ZFHX4: variants seen among roughly 807,000 people sequenced by gnomAD.
ZFHX4 encodes the protein zinc finger homeobox protein 4.
In ZFHX4, 56 loss-of-function variants were observed where a neutral mutation model predicts 267.6. The ratio of observed to expected loss-of-function variants is 0.21; its 90% CI spans 0.17 to 0.26. The LOEUF is 0.26. ZFHX4 is among the 10% of genes least tolerant of loss of function. ZFHX4 has a pLI of 1.00. For synonymous variants in ZFHX4, 1,778 were observed against 1,665.6 expected (o/e 1.07, Z -1.64); for missense variants, 4,332 against 4,420.0 (o/e 0.98, Z 0.56).
chr8:76,727,747 G>T (rs765437871), intron 3 of ZFHX4, among the ~76,000 whole-genome samples: 65 of 152,294 alleles, frequency 4.3e-4, no homozygotes, highest in Admixed American at 2.2e-3. Flanking sequence ...TTCTACGTCA[G>T]TTGTTCATTG....
intron 3 of ZFHX4, among the ~76,000 whole-genome samples, chr8:76,763,068 T>C (rs1199243286): frequency 6.6e-6 from 1 of 152,198 alleles, no homozygotes; most frequent in Non-Finnish European, 1.5e-5. Context: ...CTCATTTTTA[T>C]CCCCTCACGG....
At chr8:76,715,479 C>T (rs1348634855) in intron 3 of ZFHX4, among the ~76,000 whole-genome samples, 1 of 75,940 alleles carries the variant, frequency 1.3e-5, no homozygotes, top group East Asian at 5.6e-4. Context: ...AAGACTCCAT[C>T]TTAAAAAAAA....
In ZFHX4 at chr8:76,863,519, G is replaced by A; in HGVS notation, c.9805G>A (p.Gly3269Arg). ...ACAGTTCTTGCCATACTTTATCCCTGGGTTTGCTTCTTATTTTACACCTCA... is the reference window on the plus strand; with the variant it reads ...ACAGTTCTTGCCATACTTTATCCCTAGGTTTGCTTCTTATTTTACACCTCA... Reference protein sequence around the residue: ...GGQFLPYFIPGFASYFTPQLP... With the variant: ...GGQFLPYFIPRFASYFTPQLP... Residue 3269 changes from glycine to arginine, a missense_variant, in exon 11 of 11, where the codon GGG (glycine) becomes AGG (arginine). This residue lies in a region of ZFHX4 where 1,648 missense variants were observed against 1,625.0 expected (regional missense o/e 1.01). Coordinates refer to ENST00000651372, the MANE Select transcript of ZFHX4 (RefSeq NM_024721.5). The A allele has an allele frequency of 6.2e-7, 1 of 1,613,452 alleles. No homozygotes were observed. Among genetic ancestry groups the A allele is most frequent in the Non-Finnish European group, 8.5e-7 (1 of 1,179,736 alleles).
intron 3 of ZFHX4, among the ~76,000 whole-genome samples, chr8:76,767,686 A>C (rs1210902963): frequency 6.6e-6 from 1 of 152,210 alleles, no homozygotes; most frequent in Non-Finnish European, 1.5e-5. Flanking sequence ...AGTAACTTCC[A>C]AAAGTCAAGT....
At chr8:76,790,643 G>A (rs1310005882) in intron 4 of ZFHX4, among the ~76,000 whole-genome samples, 1 of 152,094 alleles carries the variant, frequency 6.6e-6, no homozygotes, top group African/African-American at 2.4e-5. Context: ...AATGAATCAA[G>A]TTTGGTCTTC....
intron 3 of ZFHX4, among the ~76,000 whole-genome samples, chr8:76,767,043 G>GT (rs1393751892): frequency 1.4e-4 from 18 of 129,370 alleles, no homozygotes; most frequent in African/African-American, 6.6e-4. Context: ...TCTCATAAAG[G>GT]GGTGTGTGTG....
intron 3 of ZFHX4, among the ~76,000 whole-genome samples, chr8:76,774,774 T>G (rs1810362222): frequency 6.6e-6 from 1 of 152,094 alleles, no homozygotes; most frequent in African/African-American, 2.4e-5. Context: ...TTTGAAAAAT[T>G]TAATAAGATA....
chr8:76,795,168 A>G (rs1212055095), intron 4 of ZFHX4, among the ~76,000 whole-genome samples: 1 of 152,238 alleles, frequency 6.6e-6, no homozygotes, highest in Non-Finnish European at 1.5e-5. Context: ...AAAATCAGTG[A>G]AAGTCTGAGT....
chr8:76,749,750 A>G (rs960990612), intron 3 of ZFHX4, among the ~76,000 whole-genome samples: 1 of 152,162 alleles, frequency 6.6e-6, no homozygotes, highest in Non-Finnish European at 1.5e-5. Flanking sequence ...CATGTTGTTT[A>G]TCTTATTCTA....
intron 3 of ZFHX4, among the ~76,000 whole-genome samples, chr8:76,743,553 G>A (rs1265689701): frequency 6.6e-6 from 1 of 152,164 alleles, no homozygotes; most frequent in Non-Finnish European, 1.5e-5. Flanking sequence ...GGGTCCTGGG[G>A]AATGAGTCCA....
intron 3 of ZFHX4, among the ~76,000 whole-genome samples, chr8:76,741,175 A>C (rs1210473564): frequency 1.3e-5 from 2 of 152,196 alleles, no homozygotes; most frequent in South Asian, 4.1e-4. Flanking sequence ...AATGCTATAC[A>C]GAGGGTTCAG....
At chr8:76,730,039 T>C (rs1277987741) in intron 3 of ZFHX4, among the ~76,000 whole-genome samples, 1 of 152,162 alleles carries the variant, frequency 6.6e-6, no homozygotes, top group African/African-American at 2.4e-5. Context: ...TTGGTGTTTG[T>C]TTGTTGTGTT....
intron 3 of ZFHX4, among the ~76,000 whole-genome samples, chr8:76,753,528 C>CCCCT (rs1205568183): frequency 6.6e-6 from 1 of 152,022 alleles, no homozygotes; most frequent in African/African-American, 2.4e-5. Context: ...CATCTCTCTG[C>CCCCT]CCCTGTCTTC....
chr8:76,808,315 A>G (rs1296500575), intron 4 of ZFHX4, among the ~76,000 whole-genome samples: 2 of 152,146 alleles, frequency 1.3e-5, no homozygotes, highest in Non-Finnish European at 2.9e-5. Flanking sequence ...TAATCTATCT[A>G]AACATTCTTC....
chr8:76,687,395 G>A (rs1245132663), intron 1 of ZFHX4, among the ~76,000 whole-genome samples: 1 of 152,210 alleles, frequency 6.6e-6, no homozygotes, highest in Non-Finnish European at 1.5e-5. Context: ...TGTCATGGCT[G>A]TTCATTACCC....
rs144640594 is a variant in ZFHX4, at chr8:76,682,051, A to G, written c.-47+431A>G. ...TTTGCCTTCCCCGCGAGCCCCGGGC[A>G]TTCTAGTGGCTGGGGGAAGCTGTCA... On this transcript the variant is annotated intron_variant, in intron 1 of 10. Transcript: ENST00000651372. Among the ~76,000 whole-genome samples the G allele has an allele frequency of 8.8e-3, 1,346 of 152,098 alleles. 39 individuals carry two copies. Among genetic ancestry groups the G allele is most frequent in the Admixed American group, 0.059 (898 of 15,286 alleles).
chr8:76,811,324 TAGAA>T (rs1811372806), intron 4 of ZFHX4, among the ~76,000 whole-genome samples: 1 of 152,226 alleles, frequency 6.6e-6, no homozygotes, highest in Non-Finnish European at 1.5e-5. Flanking sequence ...ATGCACCTCA[TAGAA>T]AGAAAAGGAG....
chr8:76,783,394 T>C (rs960873591), intron 4 of ZFHX4, among the ~76,000 whole-genome samples: 5 of 152,024 alleles, frequency 3.3e-5, no homozygotes, highest in African/African-American at 1.2e-4. Flanking sequence ...TCATGATGCT[T>C]CCAACCATAT....
intron 3 of ZFHX4, among the ~76,000 whole-genome samples, chr8:76,754,532 A>C (rs1331156935): frequency 6.6e-6 from 1 of 151,978 alleles, no homozygotes; most frequent in Non-Finnish European, 1.5e-5. Flanking sequence ...CACAGCATAC[A>C]TTTTTTGTTT....
Sources: allele counts gnomAD v4.1 joint callset (sites outside exome capture counted in the v4.1 genomes callset), GRCh38; gene constraint gnomAD v4.1.1; regional missense constraint gnomAD v4.1.1; transcripts MANE v1.5; gene names NCBI Gene and HGNC (gene_info 2026-07-23, HGNC 2026-07-21).